Variants in MPDZ observed in about 807,000 individuals in gnomAD.
The protein encoded by MPDZ is multiple PDZ domain crumbs cell polarity complex component, also known as multiple PDZ domain protein.
Under a neutral mutation model 239.1 loss-of-function variants are expected in MPDZ, and 234 were observed. The observed-to-expected ratio is 0.98, with a 90% CI of 0.88 to 1.09. The LOEUF is 1.09. Ranked by LOEUF, MPDZ falls within the 50% of genes least tolerant of loss-of-function variation. MPDZ has a pLI of 0.00. For synonymous variants in MPDZ, 1,048 were observed against 881.3 expected (o/e 1.19, Z -3.35); for missense variants, 3,175 against 2,510.0 (o/e 1.26, Z -5.66).
At chr9:13,126,882 C>T (rs1040991923) in intron 32 of MPDZ, 110 bp from the exon 33 acceptor site, 36 of 849,120 alleles carry the variant, frequency 4.2e-5, no homozygotes, top group Non-Finnish European at 5.9e-5. Flanking sequence ...GTCCAGAAAT[C>T]TAAGACCTTA....
At chr9:13,278,856 C>T (rs1588300183) in intron 1 of MPDZ, among the ~76,000 whole-genome samples, 1 of 151,936 alleles carries the variant, frequency 6.6e-6, no homozygotes, top group Non-Finnish European at 1.5e-5. Flanking sequence ...CATCCCGGGA[C>T]CACGTAACGG....
chr9:13,222,626 G>A (rs558075227), intron 5 of MPDZ, among the ~76,000 whole-genome samples, 180 bp from the exon 6 acceptor site: 1 of 152,046 alleles, frequency 6.6e-6, no homozygotes, highest in South Asian at 2.1e-4. Context: ...ATCAACTCTC[G>A]TAAGGTTATT....
At chr9:13,147,843 C>G (rs1948642154) in intron 25 of MPDZ, among the ~76,000 whole-genome samples, 185 bp from the exon 26 acceptor site, 1 of 152,038 alleles carries the variant, frequency 6.6e-6, no homozygotes, top group African/African-American at 2.4e-5. Context: ...TGGTCCCTTG[C>G]TTTGGACACA....
intron 10 of MPDZ, among the ~76,000 whole-genome samples, chr9:13,213,237 C>T (rs561130540): frequency 1.3e-5 from 2 of 152,074 alleles, no homozygotes; most frequent in Admixed American, 6.6e-5. Flanking sequence ...AAAATGGAGA[C>T]ATTCAGTCTA....
At chr9:13,270,231 T>C (rs1972656192) in intron 1 of MPDZ, among the ~76,000 whole-genome samples, 1 of 152,252 alleles carries the variant, frequency 6.6e-6, no homozygotes, top group Admixed American at 6.5e-5. Flanking sequence ...AGAAAGGACA[T>C]CTGCTTTAAA....
intron 1 of MPDZ, among the ~76,000 whole-genome samples, chr9:13,275,277 G>A (rs1360901005): frequency 6.6e-6 from 1 of 152,184 alleles, no homozygotes. Context: ...GAGGTCACTA[G>A]GGGTGGGCTC....
At chr9:13,228,093 A>G (rs914212764) in intron 3 of MPDZ, among the ~76,000 whole-genome samples, 2 of 152,116 alleles carry the variant, frequency 1.3e-5, no homozygotes, top group Non-Finnish European at 2.9e-5. Flanking sequence ...CTTGGTTTAT[A>G]GAATATAAAA....
chr9:13,228,307 T>C (rs892175263), intron 3 of MPDZ, among the ~76,000 whole-genome samples: 12 of 152,094 alleles, frequency 7.9e-5, no homozygotes, highest in Non-Finnish European at 1.6e-4. Context: ...TTTTAATTAG[T>C]GCTATTACCT....
At chr9:13,180,852 T>C (rs193111349) in intron 19 of MPDZ, among the ~76,000 whole-genome samples, 11 of 152,284 alleles carry the variant, frequency 7.2e-5, no homozygotes, top group African/African-American at 2.6e-4. Flanking sequence ...CTAATCAAAT[T>C]AAGCAAATAC....
At chr9:13,212,167 T>C (rs894090517) in intron 10 of MPDZ, among the ~76,000 whole-genome samples, 9 of 152,112 alleles carry the variant, frequency 5.9e-5, no homozygotes, top group Admixed American at 5.2e-4. Flanking sequence ...ACTTAAAATA[T>C]GTTTAAAAAC....
At chr9:13,168,275 A>T in intron 22 of MPDZ, 91 bp downstream of exon 22, 1 of 1,161,952 alleles carries the variant, frequency 8.6e-7, no homozygotes, top group Non-Finnish European at 1.2e-6. Context: ...TAACGTTTGC[A>T]TCTCAAACAG....
At chr9:13,237,644 T>C (rs1432982004) in intron 3 of MPDZ, among the ~76,000 whole-genome samples, 1 of 151,898 alleles carries the variant, frequency 6.6e-6, no homozygotes, top group East Asian at 1.9e-4. Context: ...AGAAAAGACA[T>C]TTTCTCAAAA....
intron 27 of MPDZ, among the ~76,000 whole-genome samples, chr9:13,140,532 A>C (rs1433046331): frequency 6.6e-6 from 1 of 150,466 alleles, no homozygotes; most frequent in Non-Finnish European, 1.5e-5. Flanking sequence ...GATATGAAAT[A>C]TTAGATGGGA....
chr9:13,107,522 T>C (rs1001390398), intron 46 of MPDZ, among the ~76,000 whole-genome samples: 1 of 152,144 alleles, frequency 6.6e-6, no homozygotes, highest in Non-Finnish European at 1.5e-5. Flanking sequence ...AAAACAGTTT[T>C]ACAGGACAAG....
Position 13,224,410 on chromosome 9 carries a change from A to C in MPDZ, c.357T>G (p.Cys119Trp), listed in dbSNP as rs894564028. Residue 119 changes from cysteine to tryptophan, a missense_variant, in exon 4 of 47, where the codon TGT becomes TGG. By Grantham distance (215) the Cys-to-Trp change is radical. Transcript: ENST00000319217. Reference protein sequence around the residue: ...GIPHINGKPACDEFDQLIKNM... With the variant: ...GIPHINGKPAWDEFDQLIKNM... ...TTTTGATAAGCTGATCAAATTCATC[A>C]CAAGCAGGTTTCCCATTAATGTGTG... The C allele has an allele frequency of 5.0e-6, 8 of 1,612,732 alleles. No individual in the cohort carries two copies. The highest frequency in any genetic ancestry group is 6.8e-6 in the Non-Finnish European group (8 of 1,179,226).
chr9:13,121,526 C>T (rs375356466), intron 38 of MPDZ, among the ~76,000 whole-genome samples: 1 of 152,158 alleles, frequency 6.6e-6, no homozygotes, highest in Admixed American at 6.6e-5. Context: ...CACCAAATGA[C>T]TTTTTGTTAA....
At chr9:13,160,265 G>T (rs1289213457) in intron 23 of MPDZ, among the ~76,000 whole-genome samples, 1 of 152,128 alleles carries the variant, frequency 6.6e-6, no homozygotes, top group Admixed American at 6.6e-5. Context: ...TTAATTAGCT[G>T]CAGGAAAGTT....
At chr9:13,121,585 T>C (rs991971437) in intron 38 of MPDZ, among the ~76,000 whole-genome samples, 154 bp downstream of exon 38, 3 of 152,168 alleles carry the variant, frequency 2.0e-5, no homozygotes, top group South Asian at 2.1e-4. Flanking sequence ...CCAAAACCAA[T>C]GTCTTTTTAT....
chr9:13,176,267 A>T lies in MPDZ; in HGVS notation c.2800T>A (p.Tyr934Asn). 2 of 1,609,672 alleles carry T rather than the reference A, an allele frequency of 1.2e-6. No homozygotes were observed. Among genetic ancestry groups the T allele is most frequent in the Non-Finnish European group, 1.7e-6 (2 of 1,177,690 alleles). The change falls in exon 20 of 47, where the codon TAC becomes AAC. Residue 934 changes from tyrosine to asparagine, a missense_variant. Transcript: ENST00000319217. ...GPASGFTIND[Y>N]TPANAIEQQY... The stretch of plus-strand genomic sequence containing the variant: ...TGTTCAATAGCATTTGCAGGTGTGT[A>T]GTCATTTATAGTAAAGCCAGAAGCA...
Sources: gnomAD v4.1 joint callset for allele counts (sites outside exome capture counted in the v4.1 genomes callset) on GRCh38, gnomAD v4.1.1 for gene constraint, MANE v1.5 for transcripts, NCBI Gene and HGNC (gene_info 2026-07-23, HGNC 2026-07-21) for gene names.